The following FAM13A variants were observed in gnomAD, a reference collection of about 807,000 sequenced individuals.
FAM13A encodes protein FAM13A.
In FAM13A, 76 loss-of-function variants were observed where a neutral mutation model predicts 129.6. That is an observed-to-expected ratio of 0.59 (90% CI 0.49 to 0.71). The LOEUF (loss-of-function observed/expected upper bound fraction) is 0.71. Among genes scored for constraint, FAM13A ranks in the 30% least tolerant of loss-of-function variants. The pLI is 0.00. For missense variants in FAM13A, 1,108 were observed against 1,249.3 expected, an observed-to-expected ratio of 0.89 and a Z score of 1.70; for synonymous variants, 443 against 449.9, an observed-to-expected ratio of 0.98 and a Z score of 0.20.
At chr4:88,969,778 G>A (rs574506498) in intron 4 of FAM13A, among the ~76,000 whole-genome samples, 1 of 152,278 alleles carries the variant, frequency 6.6e-6, no homozygotes, top group South Asian at 2.1e-4. Flanking sequence ...TATTACAGAG[G>A]AGGAAACAAA....
intron 2 of FAM13A, among the ~76,000 whole-genome samples, chr4:89,028,718 C>T (rs1238345817): frequency 4.0e-5 from 6 of 148,466 alleles, no homozygotes; most frequent in Non-Finnish European, 8.9e-5. Flanking sequence ...CACATGTATA[C>T]ATATGTAACT....
chr4:88,971,250 C>T (rs539784691), intron 4 of FAM13A, among the ~76,000 whole-genome samples: 30 of 152,180 alleles, frequency 2.0e-4, no homozygotes, highest in African/African-American at 7.2e-4. Context: ...CAAAAGTCAT[C>T]AAAGGGAAAA....
At chr4:88,846,845 A>G (rs956527469) in intron 7 of FAM13A, among the ~76,000 whole-genome samples, 4 of 152,220 alleles carry the variant, frequency 2.6e-5, no homozygotes, top group Admixed American at 2.6e-4. Context: ...ACACATGCAC[A>G]TTTATTTTTT....
chr4:88,994,120 T>C (rs926247769), intron 3 of FAM13A, among the ~76,000 whole-genome samples: 2 of 152,198 alleles, frequency 1.3e-5, no homozygotes, highest in Non-Finnish European at 2.9e-5. Flanking sequence ...TTTCCTGTGA[T>C]GGAAGACAGA....
At chr4:88,730,649 C>T (rs1366952236) in intron 23 of FAM13A, among the ~76,000 whole-genome samples, 2 of 152,172 alleles carry the variant, frequency 1.3e-5, no homozygotes, top group African/African-American at 2.4e-5. Flanking sequence ...TCCTTGACCT[C>T]CCAAAGTGCT....
At chr4:88,970,979 C>T (rs563510586) in intron 4 of FAM13A, among the ~76,000 whole-genome samples, 5 of 152,284 alleles carry the variant, frequency 3.3e-5, no homozygotes, top group African/African-American at 9.6e-5. Flanking sequence ...GAGGCCGAGG[C>T]GGGTGGATCA....
chr4:88,746,846 C>G (rs569685040), intron 19 of FAM13A, 86 bp downstream of exon 19: 2 of 860,972 alleles, frequency 2.3e-6, no homozygotes, highest in East Asian at 4.9e-5. Flanking sequence ...CATTAGGGAA[C>G]CCCATTTGTA....
At chr4:89,033,579 T>C (rs1349573919) in intron 1 of FAM13A, among the ~76,000 whole-genome samples, 1 of 152,222 alleles carries the variant, frequency 6.6e-6, no homozygotes. Context: ...TTCCATATTC[T>C]TGTAGCAGAG....
At chr4:88,874,458 CA>C (rs1410439101) in intron 6 of FAM13A, among the ~76,000 whole-genome samples, 1 of 152,048 alleles carries the variant, frequency 6.6e-6, no homozygotes, top group Non-Finnish European at 1.5e-5. Context: ...GATACAAAAT[CA>C]ATGTGCAAAA....
chr4:88,737,678 G>T, intron 20 of FAM13A, 123 bp from the exon 21 acceptor site: 1 of 767,390 alleles, frequency 1.3e-6, no homozygotes, highest in Non-Finnish European at 2.2e-6. Context: ...ATCCCTCCCT[G>T]CCAAACACTC....
intron 4 of FAM13A, among the ~76,000 whole-genome samples, chr4:88,988,417 T>C (rs1762533394): frequency 6.6e-6 from 1 of 152,204 alleles, no homozygotes; most frequent in South Asian, 2.1e-4. Flanking sequence ...GCATAATAAG[T>C]ATATTACGGT....
intron 7 of FAM13A, among the ~76,000 whole-genome samples, chr4:88,835,377 C>T (rs1023096824): frequency 2.0e-5 from 3 of 152,168 alleles, no homozygotes; most frequent in Non-Finnish European, 4.4e-5. Context: ...TTGCAAGTCA[C>T]AAAGCAGCTC....
chr4:88,829,919 A>G (rs937235362), intron 7 of FAM13A, among the ~76,000 whole-genome samples: 1 of 152,226 alleles, frequency 6.6e-6, no homozygotes, highest in East Asian at 1.9e-4. Flanking sequence ...TAGCCCCTCA[A>G]GATAATAAAG....
intron 7 of FAM13A, among the ~76,000 whole-genome samples, chr4:88,817,748 T>C (rs73842243): frequency 0.087 from 13,291 of 152,182 alleles, 736 homozygotes; most frequent in African/African-American, 0.15. Context: ...AATTCTATTT[T>C]CAACAGTACT....
chr4:88,832,359 A>G (rs1281099201), intron 7 of FAM13A, among the ~76,000 whole-genome samples: 4 of 152,216 alleles, frequency 2.6e-5, no homozygotes, highest in Admixed American at 1.3e-4. Flanking sequence ...ACCAAAAGCA[A>G]TTGCAACAAA....
At chr4:88,899,026 C>G (rs181273537) in intron 6 of FAM13A, among the ~76,000 whole-genome samples, 78 of 151,846 alleles carry the variant, frequency 5.1e-4, no homozygotes, top group African/African-American at 1.8e-3. Flanking sequence ...AGCCCAAAGC[C>G]CATCAATCAA....
chr4:88,948,601 G>A (rs566038634), intron 4 of FAM13A, among the ~76,000 whole-genome samples: 5 of 151,796 alleles, frequency 3.3e-5, no homozygotes, highest in Admixed American at 6.6e-5. Flanking sequence ...CAATTCTCCC[G>A]CCTCGGCTTC....
chr4:89,025,275 T>TTTTTTTTTTTTTAG, intron 2 of FAM13A, among the ~76,000 whole-genome samples: 1 of 109,514 alleles, frequency 9.1e-6, no homozygotes, highest in East Asian at 2.8e-4. Context: ...TTTTTTTTTT[T>TTTTTTTTTTTTTAG]GAGACGGAGT....
rs569741597 is a variant in FAM13A, at chr4:88,813,355, T to C, written c.1008-8303A>G. On this transcript the variant is annotated intron_variant, in intron 7 of 23. Coordinates refer to ENST00000264344, the MANE Select transcript of FAM13A (RefSeq NM_014883.4). ...TATCATTATTATAAACATAAAAACA[T>C]TGTCTTAGGGAGGCAGTAATTTAGA... 1.1e-4 allele frequency among the ~76,000 whole-genome samples: 17 copies of C among 152,268 alleles called. No homozygotes were observed. In the East Asian group the frequency reaches 2.3e-3, roughly 21 times the overall value.
Sources: allele counts gnomAD v4.1 joint callset (sites outside exome capture counted in the v4.1 genomes callset), GRCh38; gene constraint gnomAD v4.1.1; transcripts MANE v1.5; gene names NCBI Gene and HGNC (gene_info 2026-07-23, HGNC 2026-07-21).